STK40: variants seen among roughly 807,000 people sequenced by gnomAD.
The protein encoded by STK40 is serine/threonine kinase 40.
A neutral mutation model predicts 47.9 loss-of-function variants in STK40; 13 were observed. That is an observed-to-expected ratio of 0.27 (90% CI 0.18 to 0.43). The LOEUF (loss-of-function observed/expected upper bound fraction) is 0.43. Ranked by LOEUF, STK40 falls within the 20% of genes least tolerant of loss-of-function variation. The pLI, the probability that STK40 is intolerant of heterozygous loss-of-function variation, is 1.00. For missense variants in STK40, 460 were observed against 595.1 expected (o/e 0.77, Z 2.36); for synonymous variants, 225 against 243.2 (o/e 0.93, Z 0.69).
intron 1 of STK40, among the ~76,000 whole-genome samples, chr1:36,363,004 A>C (rs931029408): frequency 6.6e-5 from 10 of 152,142 alleles, no homozygotes; most frequent in African/African-American, 2.4e-4. Flanking sequence ...AAAAATACAG[A>C]AATTAGCTGG....
At chr1:36,351,453 C>T (rs572683750) in intron 6 of STK40, among the ~76,000 whole-genome samples, 8 of 152,126 alleles carry the variant, frequency 5.3e-5, no homozygotes, top group East Asian at 1.9e-4. Flanking sequence ...GGCCCCAGAG[C>T]GGAGGGTGTG....
intron 1 of STK40, among the ~76,000 whole-genome samples, chr1:36,363,157 A>G (rs969075947): frequency 6.6e-6 from 1 of 151,986 alleles, no homozygotes; most frequent in African/African-American, 2.4e-5. Flanking sequence ...TCTGTCTCAA[A>G]AAAAAAATTA....
In STK40 at chr1:36,341,948, T is replaced by C. The variant is rs768567087; in HGVS notation, c.1115A>G (p.Gln372Arg). The C allele has an allele frequency of 1.2e-6, 2 of 1,613,738 alleles. No individual in the cohort carries two copies. Among genetic ancestry groups the C allele is most frequent in the East Asian group, 2.2e-5 (1 of 44,894 alleles). ...QEAKVTEECSQYEFENYMRQQ... is the reference protein window; with the variant it reads ...QEAKVTEECSRYEFENYMRQQ... ...ACGCATGTAGTTCTCAAACTCGTAC[T>C]GGGAGCACTCCTCCGTCACCTTCGC... is the stretch of plus-strand genomic sequence containing the variant. Residue 372 changes from glutamine (Q) to arginine (R), a missense_variant, in exon 11 of 11, where the codon CAG becomes CGG. This residue lies in a region of STK40 where 181 missense variants were observed against 218.9 expected (regional missense o/e 0.83). Transcript: ENST00000373132.
chr1:36,375,152 G>T (rs1646980693), intron 1 of STK40, among the ~76,000 whole-genome samples: 1 of 152,190 alleles, frequency 6.6e-6, no homozygotes, highest in Admixed American at 6.5e-5. Flanking sequence ...CCCAAAAAGG[G>T]TTCCCTTCAG....
intron 5 of STK40, 130 bp downstream of exon 5, chr1:36,355,076 A>T: frequency 1.1e-6 from 1 of 931,802 alleles, no homozygotes; most frequent in Non-Finnish European, 1.6e-6. Flanking sequence ...CCATTCAGTC[A>T]CTCTTCTTTT....
At chr1:36,379,675 C>T (rs1203145813) in intron 1 of STK40, among the ~76,000 whole-genome samples, 6 of 151,998 alleles carry the variant, frequency 3.9e-5, no homozygotes, top group Non-Finnish European at 8.8e-5. Context: ...CCACCGCGCC[C>T]GGCCTGGGTT....
At chr1:36,344,401 G>A (rs1247083412) in intron 7 of STK40, 137 bp from the exon 8 acceptor site, 9 of 1,153,188 alleles carry the variant, frequency 7.8e-6, no homozygotes, top group East Asian at 2.7e-5. Context: ...GCTCCTGCCC[G>A]TGCTCCCCGC....
intron 1 of STK40, among the ~76,000 whole-genome samples, chr1:36,384,036 T>C (rs1244918256): frequency 6.6e-6 from 1 of 150,732 alleles, no homozygotes; most frequent in African/African-American, 2.4e-5. Flanking sequence ...TTCTTCTTTT[T>C]TTTTTTTTTT....
chr1:36,347,810 G>A (rs1385356468), intron 7 of STK40, among the ~76,000 whole-genome samples: 3 of 151,924 alleles, frequency 2.0e-5, no homozygotes, highest in African/African-American at 4.8e-5. Flanking sequence ...CCGCCACCAC[G>A]CCCGGCTAAT....
At chr1:36,348,181 A>T in intron 7 of STK40, among the ~76,000 whole-genome samples, 1 of 152,260 alleles carries the variant, frequency 6.6e-6, no homozygotes. Context: ...GAACTGTTCA[A>T]TGGCTTCCAC....
chr1:36,384,441 T>C (rs552281029), intron 1 of STK40, among the ~76,000 whole-genome samples: 2 of 152,382 alleles, frequency 1.3e-5, no homozygotes, highest in East Asian at 1.9e-4. Flanking sequence ...GAATTCTTAT[T>C]ACGTGGCAAA....
intron 9 of STK40, 38 bp from the exon 10 acceptor site, chr1:36,343,486 G>A: frequency 6.3e-7 from 1 of 1,584,640 alleles, no homozygotes. Context: ...GCCCCAGAGA[G>A]ACCAGGTCCA....
At chr1:36,353,298 A>T (rs928985504) in intron 6 of STK40, among the ~76,000 whole-genome samples, 6 of 152,222 alleles carry the variant, frequency 3.9e-5, no homozygotes, top group African/African-American at 1.4e-4. Context: ...TTCAAGGATC[A>T]TGGTAGCCCA....
At chr1:36,381,020 T>C (rs972580080) in intron 1 of STK40, among the ~76,000 whole-genome samples, 3 of 152,110 alleles carry the variant, frequency 2.0e-5, no homozygotes, top group Admixed American at 6.5e-5. Flanking sequence ...CCTGTCACCA[T>C]TCCTCCTCCC....
intron 1 of STK40, among the ~76,000 whole-genome samples, chr1:36,383,223 C>T (rs1214707464): frequency 1.3e-5 from 2 of 152,208 alleles, no homozygotes; most frequent in Admixed American, 1.3e-4. Flanking sequence ...GGATTACAGG[C>T]GTGAGCCATC....
chr1:36,355,133 G>T, intron 5 of STK40, 73 bp downstream of exon 5: 1 of 1,488,832 alleles, frequency 6.7e-7, no homozygotes. Context: ...GGACAGAGCT[G>T]CCTTCTGCTC....
At chr1:36,384,770 G>A (rs1002558599) in intron 1 of STK40, among the ~76,000 whole-genome samples, 2 of 152,230 alleles carry the variant, frequency 1.3e-5, no homozygotes, top group African/African-American at 4.8e-5. Flanking sequence ...CCATTAGGAA[G>A]CACTAAAGGA....
intron 1 of STK40, among the ~76,000 whole-genome samples, chr1:36,381,689 AT>A (rs1443916414): frequency 6.6e-6 from 1 of 151,946 alleles, no homozygotes; most frequent in Non-Finnish European, 1.5e-5. Context: ...GGGTCCCACT[AT>A]GTTGGCCAGG....
chr1:36,385,606 T>G (rs528728693), intron 1 of STK40, 117 bp downstream of exon 1: 1 of 152,500 alleles, frequency 6.6e-6, no homozygotes, highest in South Asian at 2.1e-4. Flanking sequence ...GGGCCATTTC[T>G]GCTGCACTCA....
Sources: allele counts gnomAD v4.1 joint callset (sites outside exome capture counted in the v4.1 genomes callset), GRCh38; gene constraint gnomAD v4.1.1; regional missense constraint gnomAD v4.1.1; transcripts MANE v1.5; gene names NCBI Gene and HGNC (gene_info 2026-07-23, HGNC 2026-07-21).